VWC2: variants seen among roughly 807,000 people sequenced by gnomAD.
The protein encoded by VWC2 is brorin.
A neutral mutation model predicts 29.8 loss-of-function variants in VWC2; 14 were observed. The observed-to-expected ratio is 0.47, with a 90% confidence interval of 0.31 to 0.74. The LOEUF is 0.74. VWC2 is among the 30% of genes least tolerant of loss of function. The pLI is 0.05. For missense variants in VWC2, 457 were observed against 459.8 expected (o/e 0.99, Z 0.05); for synonymous variants, 213 against 199.0 (o/e 1.07, Z -0.59).
chr7:49,869,224 T>C (rs748429358), intron 3 of VWC2, among the ~76,000 whole-genome samples: 164 of 152,302 alleles, frequency 1.1e-3, no homozygotes, highest in Non-Finnish European at 2.0e-3. Flanking sequence ...AGACATTGAC[T>C]ATAATTCCAT....
Position 49,895,054 on chromosome 7 carries a change from A to G in VWC2, c.827-16980A>G, listed in dbSNP as rs145298256. Among the ~76,000 whole-genome samples the G allele has an allele frequency of 3.3e-3, 509 of 152,330 alleles. 1 individual carries two copies. Among genetic ancestry groups the G allele is most frequent in the African/African-American group, 0.011 (470 of 41,574 alleles). The stretch of plus-strand genomic sequence containing the variant: ...ATTCATGCTACTATAACAAAATACC[A>G]CAGGCTGGGTAATTTATAAACATCA... On this transcript the variant is annotated intron_variant, in intron 3 of 3. Transcript: ENST00000340652.
chr7:49,842,404 T>A (rs1312310820), intron 3 of VWC2, among the ~76,000 whole-genome samples: 1 of 152,220 alleles, frequency 6.6e-6, no homozygotes, highest in Non-Finnish European at 1.5e-5. Flanking sequence ...TTTAATTGGA[T>A]GCCTTTAGGT....
intron 3 of VWC2, among the ~76,000 whole-genome samples, chr7:49,804,201 C>A (rs1039287872): frequency 1.3e-5 from 2 of 151,226 alleles, no homozygotes; most frequent in African/African-American, 4.9e-5. Flanking sequence ...GAGACACCAG[C>A]TGTGAGATGG....
intron 2 of VWC2, among the ~76,000 whole-genome samples, chr7:49,802,499 A>G (rs1167201076): frequency 6.6e-6 from 1 of 152,122 alleles, no homozygotes; most frequent in East Asian, 1.9e-4. Flanking sequence ...TTAGCCAGGC[A>G]TAGTGGTGGG....
chr7:49,821,663 T>C (rs1384756378), intron 3 of VWC2, among the ~76,000 whole-genome samples: 1 of 149,682 alleles, frequency 6.7e-6, no homozygotes, highest in Non-Finnish European at 1.5e-5. Flanking sequence ...TATTCTTGGA[T>C]GAAAAAAAAA....
intron 3 of VWC2, among the ~76,000 whole-genome samples, chr7:49,864,507 T>C (rs987790837): frequency 6.6e-6 from 1 of 152,188 alleles, no homozygotes; most frequent in African/African-American, 2.4e-5. Flanking sequence ...GGAAGCTCTT[T>C]CTGGGCTCTT....
At chr7:49,837,602 C>T (rs1214001016) in intron 3 of VWC2, among the ~76,000 whole-genome samples, 1 of 152,120 alleles carries the variant, frequency 6.6e-6, no homozygotes, top group East Asian at 1.9e-4. Flanking sequence ...TTACAGTCTC[C>T]AGGGAATCAC....
rs147371411 is a variant in VWC2, at chr7:49,831,902, G to A, written c.826+29062G>A. On this transcript the variant is annotated intron_variant, in intron 3 of 3. Coordinates refer to ENST00000340652, the MANE Select transcript of VWC2 (RefSeq NM_198570.5). The stretch of plus-strand genomic sequence containing the variant: ...GAGTTTCTTTCTTTCACAGACAGGA[G>A]TCAACAAGGCTAGAAAGAACCAGGC... 1.4e-3 allele frequency among the ~76,000 whole-genome samples: 212 copies of A among 152,290 alleles called. 2 individuals carry two copies. The highest frequency in any genetic ancestry group is 4.7e-3 in the African/African-American group (197 of 41,572).
chr7:49,789,191 ATG>A (rs1788398214), intron 2 of VWC2, among the ~76,000 whole-genome samples: 1 of 129,098 alleles, frequency 7.7e-6, no homozygotes, highest in African/African-American at 2.9e-5. Flanking sequence ...GTGTGGGTGC[ATG>A]TGTGAGTGTG....
Position 49,920,475 on chromosome 7 carries a change from C to G in VWC2, c.*8290C>G, listed in dbSNP as rs1265333120. On this transcript the variant is annotated 3_prime_UTR_variant, in exon 4 of 4. Coordinates refer to ENST00000340652, the MANE Select transcript of VWC2 (RefSeq NM_198570.5). Reference sequence around the variant, plus strand: ...TCTGATTAAAACAAAACAAAACAAACAAAAGACAAGAGAAGCACTGCATTG... The same window carrying G: ...TCTGATTAAAACAAAACAAAACAAAGAAAAGACAAGAGAAGCACTGCATTG... 6.6e-6 allele frequency: 1 copy of G among 152,068 alleles called. No homozygotes were observed. Among genetic ancestry groups the G allele is most frequent in the African/African-American group, 2.4e-5 (1 of 41,422 alleles). The allele number at this position is 152,068 out of a possible 1,614,324, so 9.4% of individuals were successfully genotyped here.
chr7:49,855,186 C>T (rs141494334), intron 3 of VWC2, among the ~76,000 whole-genome samples: 42 of 152,286 alleles, frequency 2.8e-4, no homozygotes, highest in African/African-American at 9.9e-4. Flanking sequence ...TTTCTTAGTT[C>T]CCAAAAGGCA....
Position 49,866,511 on chromosome 7 carries a change from G to A in VWC2, c.827-45523G>A, listed in dbSNP as rs113318963. On this transcript the variant is annotated intron_variant, in intron 3 of 3. Transcript: ENST00000340652. The stretch of plus-strand genomic sequence containing the variant: ...CTTGCATTACATTTGCTAAGGGTTC[G>A]TTAGTCAAAGCAGGTCACACGGGCA... 1.9e-3 allele frequency among the ~76,000 whole-genome samples: 295 copies of A among 152,282 alleles called. 3 individuals carry two copies. Among genetic ancestry groups the A allele is most frequent in the African/African-American group, 6.2e-3 (258 of 41,572 alleles).
chr7:49,791,835 T>A (rs1222279796), intron 2 of VWC2, among the ~76,000 whole-genome samples: 2 of 152,164 alleles, frequency 1.3e-5, no homozygotes, highest in Admixed American at 6.5e-5. Flanking sequence ...TGGCTCTCAG[T>A]CTGTAAAAAT....
intron 3 of VWC2, among the ~76,000 whole-genome samples, chr7:49,808,538 A>G (rs1788927500): frequency 6.6e-6 from 1 of 152,086 alleles, no homozygotes; most frequent in Admixed American, 6.6e-5. Context: ...TCTGACATAT[A>G]TGTACAATAT....
At chr7:49,908,182 G>C (rs1346807340) in intron 3 of VWC2, among the ~76,000 whole-genome samples, 1 of 152,178 alleles carries the variant, frequency 6.6e-6, no homozygotes, top group Non-Finnish European at 1.5e-5. Flanking sequence ...AGTCTGTTTT[G>C]TCAGTTTTAA....
intron 3 of VWC2, among the ~76,000 whole-genome samples, chr7:49,910,029 A>G (rs1236965747): frequency 6.6e-6 from 1 of 151,988 alleles, no homozygotes. Flanking sequence ...GGGTCCCTTG[A>G]GCCCAGGAGA....
intron 2 of VWC2, among the ~76,000 whole-genome samples, chr7:49,798,583 A>T (rs1788654577): frequency 6.6e-6 from 1 of 152,158 alleles, no homozygotes; most frequent in African/African-American, 2.4e-5. Context: ...TGGGGCACCA[A>T]ACAGAGCCCT....
chr7:49,890,017 G>T (rs1792064614), intron 3 of VWC2, among the ~76,000 whole-genome samples: 1 of 152,158 alleles, frequency 6.6e-6, no homozygotes, highest in Non-Finnish European at 1.5e-5. Flanking sequence ...CCATCTGAGT[G>T]TTGAAGTATC....
intron 3 of VWC2, among the ~76,000 whole-genome samples, chr7:49,837,437 T>C (rs1039860624): frequency 6.6e-6 from 1 of 152,236 alleles, no homozygotes; most frequent in Admixed American, 6.5e-5. Flanking sequence ...CCAGAACATG[T>C]GAAGGACTTT....
Sources: allele counts gnomAD v4.1 joint callset (sites outside exome capture counted in the v4.1 genomes callset), GRCh38; gene constraint gnomAD v4.1.1; transcripts MANE v1.5; gene names NCBI Gene and HGNC (gene_info 2026-07-23, HGNC 2026-07-21).